The following NF1 variants were observed in gnomAD, a reference collection of about 807,000 sequenced individuals.
NF1 encodes the protein neurofibromin 1.
In NF1, 122 loss-of-function variants were observed where a neutral mutation model predicts 325.7. The ratio of observed to expected loss-of-function variants is 0.37; its 90% CI spans 0.32 to 0.44. The LOEUF (loss-of-function observed/expected upper bound fraction) is 0.44, where lower values mean the gene tolerates loss of function less well. Among genes scored for constraint, NF1 ranks in the 20% least tolerant of loss-of-function variants. The probability of loss-of-function intolerance (pLI) is 1.00; values close to 1 mark genes in which losing one functional copy is unlikely to be tolerated. For missense variants in NF1, 2,140 were observed against 3,415.4 expected (o/e 0.63, Z 9.31); for synonymous variants, 1,091 against 1,186.0 (o/e 0.92, Z 1.65).
At chr17:31,143,331 A>G (rs1168012183) in intron 1 of NF1, among the ~76,000 whole-genome samples, 1 of 151,960 alleles carries the variant, frequency 6.6e-6, no homozygotes, top group African/African-American at 2.4e-5. Context: ...CTGTGGCGCA[A>G]TTATGGCTCA....
intron 36 of NF1, chr17:31,278,352 C>A (rs915525740): frequency 2.7e-5 from 4 of 148,878 alleles, no homozygotes; most frequent in African/African-American, 9.9e-5. Context: ...ACTTTAGAAA[C>A]AGGTCCAGTT....
At chr17:31,116,520 C>G (rs1021730828) in intron 1 of NF1, among the ~76,000 whole-genome samples, 2 of 152,050 alleles carry the variant, frequency 1.3e-5, no homozygotes, top group African/African-American at 4.8e-5. Flanking sequence ...TCTTGAGAGA[C>G]TTGAAATTGA....
At chr17:31,362,616 C>A (rs1436275280) in intron 57 of NF1, among the ~76,000 whole-genome samples, 1 of 151,942 alleles carries the variant, frequency 6.6e-6, no homozygotes, top group Non-Finnish European at 1.5e-5. Flanking sequence ...CCCACCAGTT[C>A]TTTTTTTTCT....
chr17:31,359,886 T>TA (rs1275544958), intron 56 of NF1: 2 of 158,256 alleles, frequency 1.3e-5, no homozygotes, highest in Admixed American at 6.1e-5. Context: ...GTTTCTTCCT[T>TA]AAACAGTTCC....
chr17:31,349,950 A>G (rs2070097328), intron 49 of NF1, among the ~76,000 whole-genome samples: 1 of 152,222 alleles, frequency 6.6e-6, no homozygotes, highest in Admixed American at 6.5e-5. Context: ...CAGCTTAATA[A>G]TACCTGCCCT....
chr17:31,244,874 C>T, intron 29 of NF1, among the ~76,000 whole-genome samples: 1 of 152,170 alleles, frequency 6.6e-6, no homozygotes, highest in East Asian at 1.9e-4. Flanking sequence ...CCCTGGAGGC[C>T]TCCATTCAGC....
chr17:31,118,238 A>T (rs1914124686), intron 1 of NF1, among the ~76,000 whole-genome samples: 1 of 151,274 alleles, frequency 6.6e-6, no homozygotes, highest in Non-Finnish European at 1.5e-5. Flanking sequence ...ATTACACTGG[A>T]TTCTTAAAAA....
intron 1 of NF1, among the ~76,000 whole-genome samples, chr17:31,118,492 C>T (rs1230844604): frequency 6.6e-6 from 1 of 152,012 alleles, no homozygotes; most frequent in Non-Finnish European, 1.5e-5. Flanking sequence ...TCTGTGTGTC[C>T]ATGTGTTTTC....
chr17:31,281,416 G>GA (rs11437600), intron 36 of NF1, among the ~76,000 whole-genome samples: 68,722 of 151,828 alleles, frequency 0.45, 18,538 homozygotes, highest in African/African-American at 0.76. Flanking sequence ...TATAATGCTA[G>GA]AAAAAAGTCT....
intron 34 of NF1, 150 bp from the exon 35 acceptor site, chr17:31,261,561 G>A (rs941086764): frequency 8.0e-6 from 6 of 751,944 alleles, no homozygotes; most frequent in Non-Finnish European, 1.2e-5. Flanking sequence ...ATTATTAATG[G>A]ATTGAAGTAG....
chr17:31,260,606 G>C lies in NF1; in HGVS notation c.4577+91G>C, dbSNP rs368175087. On this transcript the variant is annotated intron_variant, in intron 34 of 57. Transcript: ENST00000358273. ...GGTCATGAATAGTGCTTTTTACTTT[G>C]CATCTTCTTGGACTAAGAATTATGG... 2.2e-3 allele frequency: 3,053 copies of C among 1,404,182 alleles called. 70 individuals are homozygous for C. In the South Asian group the frequency reaches 0.034, roughly 15 times the overall value. The allele number at this position is 1,404,182 out of a possible 1,614,324, so 87.0% of individuals were successfully genotyped here. A position where few individuals can be genotyped will look rare whatever the true frequency, so the allele number is the denominator to read the frequency against.
At chr17:31,239,245 A>C (rs1211457574) in intron 29 of NF1, among the ~76,000 whole-genome samples, 1 of 152,214 alleles carries the variant, frequency 6.6e-6, no homozygotes, top group Non-Finnish European at 1.5e-5. Flanking sequence ...TTAAGAAAGA[A>C]TCAAAAGAGA....
intron 36 of NF1, among the ~76,000 whole-genome samples, chr17:31,286,544 G>A (rs1489557187): frequency 6.6e-6 from 1 of 152,178 alleles, no homozygotes; most frequent in East Asian, 1.9e-4. Flanking sequence ...AAAATGTCAT[G>A]TGATCTTGTG....
At chr17:31,346,818 CTTTT>C (rs59155043) in intron 48 of NF1, among the ~76,000 whole-genome samples, 3 of 108,158 alleles carry the variant, frequency 2.8e-5, no homozygotes, top group African/African-American at 1.1e-4. Flanking sequence ...AAGAATTTGG[CTTTT>C]TTTTTTTTTT....
At chr17:31,206,957 T>C (rs1343365968) in intron 12 of NF1, among the ~76,000 whole-genome samples, 2 of 152,204 alleles carry the variant, frequency 1.3e-5, no homozygotes, top group East Asian at 3.8e-4. Flanking sequence ...TCACAGATTA[T>C]TACTCTTAAT....
At chr17:31,124,535 T>G (rs1914700154) in intron 1 of NF1, among the ~76,000 whole-genome samples, 1 of 150,190 alleles carries the variant, frequency 6.7e-6, no homozygotes, top group South Asian at 2.1e-4. Flanking sequence ...TTTTTTTTGC[T>G]TGTGTTTTTG....
rs765281937 is a variant in NF1, at chr17:31,225,209, C to T, written c.1960C>T (p.Pro654Ser). 12 of 1,613,796 alleles carry T rather than the reference C, an allele frequency of 7.4e-6. No individual in the cohort carries two copies. Among genetic ancestry groups the T allele is most frequent in the Non-Finnish European group, 1.0e-5 (12 of 1,179,776 alleles). The change falls in exon 17 of 58, where the codon CCT becomes TCT. Residue 654 changes from proline (P) to serine (S), a missense_variant. Around this residue, in one of 10 missense-constraint regions of NF1, gnomAD observed 380 missense variants for 639.3 expected, o/e 0.59. Coordinates refer to ENST00000358273, the MANE Select transcript of NF1 (RefSeq NM_001042492.3). ...SMDHEELLRT[P>S]GASLRKGKGN... ...GGATCATGAAGAATTACTACGTACT[C>T]CTGGAGCCTCTCTCCGGAAGGGAAA...
chr17:31,309,514 C>T (rs951752260), intron 36 of NF1, among the ~76,000 whole-genome samples: 3 of 152,136 alleles, frequency 2.0e-5, no homozygotes, highest in East Asian at 1.9e-4. Context: ...CAAAAAAAGG[C>T]GGGGGGACTT....
chr17:31,364,505 C>T (rs866265686), intron 57 of NF1, among the ~76,000 whole-genome samples: 3 of 152,126 alleles, frequency 2.0e-5, no homozygotes, highest in Admixed American at 6.5e-5. Flanking sequence ...ATTCATGAAC[C>T]TCTCCTCCTC....
Sources: gnomAD v4.1 joint callset for allele counts (sites outside exome capture counted in the v4.1 genomes callset) on GRCh38, gnomAD v4.1.1 for gene constraint, gnomAD v4.1.1 regional missense constraint, MANE v1.5 for transcripts, NCBI Gene and HGNC (gene_info 2026-07-23, HGNC 2026-07-21) for gene names.